SULF1: variants seen among roughly 807,000 people sequenced by gnomAD.
The protein encoded by SULF1 is extracellular sulfatase Sulf-1.
SULF1 carries 46 observed loss-of-function variants against 110.5 expected under a neutral mutation model. The ratio of observed to expected loss-of-function variants is 0.42; its 90% CI spans 0.33 to 0.53. The LOEUF (loss-of-function observed/expected upper bound fraction) is 0.53, where lower values mean the gene tolerates loss of function less well. Ranked by LOEUF, SULF1 falls within the 20% of genes least tolerant of loss-of-function variation. The probability of loss-of-function intolerance (pLI) is 0.12; values close to 1 mark genes in which losing one functional copy is unlikely to be tolerated. For synonymous variants in SULF1, 371 were observed against 387.1 expected, an observed-to-expected ratio of 0.96 and a Z score of 0.49; for missense variants, 941 against 1,094.2, an observed-to-expected ratio of 0.86 and a Z score of 1.98.
chr8:69,574,851 T>C (rs1372410693), intron 5 of SULF1, among the ~76,000 whole-genome samples: 1 of 152,192 alleles, frequency 6.6e-6, no homozygotes, highest in Non-Finnish European at 1.5e-5. Context: ...CCTCCTCCTG[T>C]TCTCATATGC....
At chr8:69,538,024 C>T (rs1264955193) in intron 3 of SULF1, among the ~76,000 whole-genome samples, 1 of 151,070 alleles carries the variant, frequency 6.6e-6, no homozygotes, top group South Asian at 2.1e-4. Context: ...GCAGTGGCGC[C>T]ATCTCGGCTC....
intron 2 of SULF1, among the ~76,000 whole-genome samples, chr8:69,498,089 C>G (rs935846676): frequency 5.5e-5 from 8 of 145,762 alleles, no homozygotes; most frequent in Admixed American, 2.1e-4. Context: ...CATGAGTGCT[C>G]TCTCTCTCTG....
intron 3 of SULF1, among the ~76,000 whole-genome samples, chr8:69,551,121 G>A (rs1278483503): frequency 6.6e-6 from 1 of 152,262 alleles, no homozygotes; most frequent in East Asian, 1.9e-4. Context: ...GCGATTGGCA[G>A]ATACGGCTGA....
At chr8:69,595,928 C>A (rs535118168) in intron 8 of SULF1, among the ~76,000 whole-genome samples, 19 of 152,276 alleles carry the variant, frequency 1.2e-4, no homozygotes, top group Admixed American at 2.0e-4. Context: ...GAAATACCCA[C>A]CTGTCAAAAA....
At position 69,659,214 on chromosome 8, in the gene SULF1, TAATTCCAGCATA is replaced by T. The variant is rs751678977; in HGVS notation, c.*680_*691del. On this transcript the variant is annotated 3_prime_UTR_variant, in exon 23 of 23. Coordinates refer to ENST00000402687, the MANE Select transcript of SULF1 (RefSeq NM_001128205.2). Reference sequence around the variant, plus strand: ...CCATGGCCACCGCAGAACACCGAAGTAATTCCAGCATAGCGGGGAAGATGTTGACCAAGGTGG... The same window carrying T: ...CCATGGCCACCGCAGAACACCGAAGTGCGGGGAAGATGTTGACCAAGGTGG... The T allele has an allele frequency of 2.6e-5, 12 of 456,524 alleles. No homozygotes were observed. The allele number at this position is 456,524 out of a possible 1,614,324, so 28.3% of individuals were successfully genotyped here. A position where few individuals can be genotyped will look rare whatever the true frequency, so the allele number is the denominator to read the frequency against.
chr8:69,619,929 A>G (rs756992749), intron 13 of SULF1, among the ~76,000 whole-genome samples: 4 of 152,160 alleles, frequency 2.6e-5, no homozygotes, highest in South Asian at 2.1e-4. Context: ...AACCAGTTCA[A>G]TGGACCCTCT....
At chr8:69,582,500 C>T (rs1223462498) in intron 6 of SULF1, among the ~76,000 whole-genome samples, 2 of 152,170 alleles carry the variant, frequency 1.3e-5, no homozygotes, top group African/African-American at 4.8e-5. Flanking sequence ...GCATTTAATC[C>T]TCAAAACAAT....
At chr8:69,525,608 T>TA (rs1465047819) in intron 3 of SULF1, among the ~76,000 whole-genome samples, 1 of 152,154 alleles carries the variant, frequency 6.6e-6, no homozygotes, top group East Asian at 1.9e-4. Flanking sequence ...AGCAATATAA[T>TA]AAAAATTGCA....
At chr8:69,604,718 A>T in intron 12 of SULF1, 85 bp from the exon 13 acceptor site, 12 of 1,542,612 alleles carry the variant, frequency 7.8e-6, no homozygotes, top group Non-Finnish European at 3.5e-6. Flanking sequence ...GTCATGTGAC[A>T]GGGTAAAAAA....
chr8:69,579,936 G>A (rs992666264), intron 6 of SULF1, among the ~76,000 whole-genome samples: 9 of 152,224 alleles, frequency 5.9e-5, no homozygotes, highest in South Asian at 2.1e-4. Flanking sequence ...ACTGAAATAT[G>A]TACTATACAT....
chr8:69,560,466 C>T (rs976247223), intron 3 of SULF1, among the ~76,000 whole-genome samples: 1 of 152,154 alleles, frequency 6.6e-6, no homozygotes, highest in African/African-American at 2.4e-5. Context: ...ATAACTACAA[C>T]TGCTGTTTTC....
At chr8:69,639,484 G>A (rs1239165746) in intron 21 of SULF1, among the ~76,000 whole-genome samples, 1 of 152,218 alleles carries the variant, frequency 6.6e-6, no homozygotes, top group Non-Finnish European at 1.5e-5. Context: ...TCATGGAGAT[G>A]CAGTTCTTTT....
chr8:69,482,405 T>C (rs1384454518), intron 1 of SULF1, among the ~76,000 whole-genome samples: 1 of 152,216 alleles, frequency 6.6e-6, no homozygotes, highest in Non-Finnish European at 1.5e-5. Context: ...TTATGGATCA[T>C]GCCACATAAC....
At chr8:69,493,825 C>A (rs1358092241) in intron 1 of SULF1, among the ~76,000 whole-genome samples, 1 of 152,194 alleles carries the variant, frequency 6.6e-6, no homozygotes, top group African/African-American at 2.4e-5. Flanking sequence ...TGTTATCAAA[C>A]TATGTGTCTT....
intron 22 of SULF1, among the ~76,000 whole-genome samples, chr8:69,643,994 CG>C (rs1563625445): frequency 1.3e-5 from 2 of 152,176 alleles, no homozygotes; most frequent in Non-Finnish European, 2.9e-5. Context: ...CCATGTGTCC[CG>C]GGGGTGTGTG....
At chr8:69,654,937 T>C (rs1812609078) in intron 22 of SULF1, among the ~76,000 whole-genome samples, 1 of 152,236 alleles carries the variant, frequency 6.6e-6, no homozygotes, top group Non-Finnish European at 1.5e-5. Context: ...TTATGGGCTA[T>C]AAAATGTGTC....
chr8:69,533,363 T>C (rs1346244158), intron 3 of SULF1, among the ~76,000 whole-genome samples: 1 of 152,176 alleles, frequency 6.6e-6, no homozygotes, highest in Non-Finnish European at 1.5e-5. Flanking sequence ...TATTAAGCCC[T>C]GCAATGCATT....
chr8:69,610,205 A>G (rs192649037), intron 13 of SULF1, among the ~76,000 whole-genome samples: 3 of 152,342 alleles, frequency 2.0e-5, no homozygotes, highest in Non-Finnish European at 4.4e-5. Flanking sequence ...GGACCCCTGC[A>G]TCAAGCAAGC....
intron 22 of SULF1, among the ~76,000 whole-genome samples, chr8:69,648,792 T>C (rs1003892258): frequency 5.3e-5 from 8 of 152,222 alleles, no homozygotes; most frequent in African/African-American, 1.9e-4. Flanking sequence ...GAGTTAAAAT[T>C]CCATGCATGC....
Sources: allele counts gnomAD v4.1 joint callset (sites outside exome capture counted in the v4.1 genomes callset), GRCh38; gene constraint gnomAD v4.1.1; transcripts MANE v1.5; gene names NCBI Gene and HGNC (gene_info 2026-07-23, HGNC 2026-07-21).